The following KCNQ5 variants were observed in gnomAD, a reference collection of about 807,000 sequenced individuals.
KCNQ5 encodes potassium voltage-gated channel subfamily KQT member 5.
In KCNQ5, 30 loss-of-function variants were observed where a neutral mutation model predicts 98.2. That is an observed-to-expected ratio of 0.31 (90% CI 0.23 to 0.41). The LOEUF is 0.41. Ranked by LOEUF, KCNQ5 falls within the 10% of genes least tolerant of loss-of-function variation. The pLI is 1.00. For synonymous variants in KCNQ5, 458 were observed against 449.4 expected, an observed-to-expected ratio of 1.02 and a Z score of -0.24; for missense variants, 835 against 1,182.5, an observed-to-expected ratio of 0.71 and a Z score of 4.31.
At chr6:72,675,587 T>C (rs935350021) in intron 1 of KCNQ5, among the ~76,000 whole-genome samples, 9 of 152,224 alleles carry the variant, frequency 5.9e-5, no homozygotes, top group African/African-American at 1.7e-4. Context: ...GTAGTTAAGA[T>C]TGAGTGACTG....
rs145583993 is a variant in KCNQ5, at chr6:73,195,043, A to G, written c.2428A>G (p.Met810Val). The G allele has an allele frequency of 2.3e-4, 378 of 1,614,218 alleles. No individual in the cohort carries two copies. The highest frequency in any genetic ancestry group is 3.7e-4 in the Admixed American group (22 of 60,018). Reference sequence around the variant, plus strand: ...CCGTTCTATGAGGAAAAGCTTTGACATGGGAGGAGAAACTCTGTTGTCTGT... The same window carrying G: ...CCGTTCTATGAGGAAAAGCTTTGACGTGGGAGGAGAAACTCTGTTGTCTGT... The part of the protein sequence containing the change: ...KDRSMRKSFD[M>V]GGETLLSVCP... Residue 810 changes from methionine (M) to valine (V), a missense_variant, in exon 14 of 14, where the codon ATG (methionine) becomes GTG (valine). Met to Val is a conservative substitution (Grantham distance 21). This residue lies in a region of KCNQ5 where 416 missense variants were observed against 446.9 expected (regional missense o/e 0.93). Transcript: ENST00000370398.
chr6:72,841,661 A>G (rs749007069), intron 1 of KCNQ5, among the ~76,000 whole-genome samples: 2 of 152,062 alleles, frequency 1.3e-5, no homozygotes, highest in Non-Finnish European at 2.9e-5. Flanking sequence ...CCAATGTTAT[A>G]CCGGATTATT....
At chr6:73,067,213 C>T (rs963112157) in intron 3 of KCNQ5, among the ~76,000 whole-genome samples, 10 of 151,970 alleles carry the variant, frequency 6.6e-5, no homozygotes, top group South Asian at 4.2e-4. Flanking sequence ...AAGAGAAACA[C>T]GGGAAAAAAA....
chr6:73,088,963 A>C (rs934302740), intron 5 of KCNQ5, among the ~76,000 whole-genome samples: 1 of 151,966 alleles, frequency 6.6e-6, no homozygotes, highest in Non-Finnish European at 1.5e-5. Context: ...TCTCCTGTAC[A>C]TTTGCTGCCA....
chr6:72,848,393 C>T (rs1240679943), intron 1 of KCNQ5, among the ~76,000 whole-genome samples: 1 of 151,998 alleles, frequency 6.6e-6, no homozygotes, highest in Non-Finnish European at 1.5e-5. Context: ...ATGTGTTGTT[C>T]CCCTTAATAG....
chr6:72,630,022 T>C (rs2098919954), intron 1 of KCNQ5, among the ~76,000 whole-genome samples: 1 of 152,338 alleles, frequency 6.6e-6, no homozygotes, highest in South Asian at 2.1e-4. Flanking sequence ...TTTCATCATA[T>C]ACATTTGTGT....
intron 6 of KCNQ5, among the ~76,000 whole-genome samples, chr6:73,107,374 C>T (rs7762723): frequency 0.94 from 143,123 of 152,288 alleles, 67,321 homozygotes; most frequent in South Asian, 0.98. Context: ...TTATAAACAA[C>T]AAATATAGAG....
At chr6:73,078,255 C>T (rs1444793710) in intron 5 of KCNQ5, among the ~76,000 whole-genome samples, 1 of 151,802 alleles carries the variant, frequency 6.6e-6, no homozygotes, top group African/African-American at 2.4e-5. Context: ...TTCCGCTCTT[C>T]AAAAGTTTAT....
chr6:72,689,400 A>G (rs1768104163), intron 1 of KCNQ5, among the ~76,000 whole-genome samples: 1 of 152,204 alleles, frequency 6.6e-6, no homozygotes, highest in African/African-American at 2.4e-5. Flanking sequence ...AACTCATCCA[A>G]AGTGGTCATT....
chr6:72,862,140 T>C (rs1777789996), intron 1 of KCNQ5, among the ~76,000 whole-genome samples: 1 of 152,108 alleles, frequency 6.6e-6, no homozygotes, highest in Non-Finnish European at 1.5e-5. Context: ...CCAAATTCCT[T>C]GGAGAGGGAC....
In KCNQ5 at chr6:73,133,495, C is replaced by T. The variant is rs781372955; in HGVS notation, c.1322C>T (p.Ser441Leu). 2 of 1,614,180 alleles carry T rather than the reference C, an allele frequency of 1.2e-6. No individual in the cohort carries two copies. Among genetic ancestry groups the T allele is most frequent in the Non-Finnish European group, 1.7e-6 (2 of 1,180,026 alleles). Residue 441 changes from serine (S) to leucine (L), a missense_variant, in exon 10 of 14, where the codon TCA becomes TTA. Physicochemically the swap from Ser to Leu is moderately radical, Grantham distance 145. Around this residue, in one of 10 missense-constraint regions of KCNQ5, gnomAD observed 146 missense variants for 256.7 expected, o/e 0.57. Coordinates refer to ENST00000370398, the MANE Select transcript of KCNQ5 (RefSeq NM_019842.4). ...RGQSIKSRQA[S>L]VGDRRSPSTD... ...CAGAGTATTAAGAGCCGACAAGCCT[C>T]AGTAGGTGACAGGAGGTCCCCAAGC...
At chr6:72,858,070 G>A (rs9446771) in intron 1 of KCNQ5, among the ~76,000 whole-genome samples, 2,673 of 152,238 alleles carry the variant, frequency 0.018, 75 homozygotes, top group African/African-American at 0.06. Flanking sequence ...AAGAGGTTGC[G>A]AGAAGTCATT....
chr6:72,964,669 T>A (rs1299973923), intron 1 of KCNQ5, among the ~76,000 whole-genome samples: 2 of 152,208 alleles, frequency 1.3e-5, no homozygotes, highest in Non-Finnish European at 2.9e-5. Context: ...TATATGTAAT[T>A]TATACAGAGT....
chr6:72,783,505 T>G (rs953804004), intron 1 of KCNQ5, among the ~76,000 whole-genome samples: 1 of 152,208 alleles, frequency 6.6e-6, no homozygotes, highest in East Asian at 1.9e-4. Context: ...TAAAGTTACC[T>G]GTCAGTGGGA....
rs59215198 is a variant in KCNQ5, at chr6:72,935,064, CTT to C, written c.399-68821_399-68820del. On this transcript the variant is annotated intron_variant, in intron 1 of 13. Coordinates refer to ENST00000370398, the MANE Select transcript of KCNQ5 (RefSeq NM_019842.4). ...AATCCATATATTGGCCTTGTTCTAT[CTT>C]TTTTTTTTTTTTTTTTTTTTTTGAG... Among the ~76,000 whole-genome samples the C allele has an allele frequency of 9.7e-3, 958 of 99,162 alleles. 5 individuals carry two copies. Among genetic ancestry groups the C allele is most frequent in the South Asian group, 0.05 (143 of 2,834 alleles). 65.1% of individuals were successfully genotyped at this position (99,162 alleles called of 152,430 possible). A position where few individuals can be genotyped will look rare whatever the true frequency, so the allele number is the denominator to read the frequency against.
intron 10 of KCNQ5, among the ~76,000 whole-genome samples, chr6:73,145,194 G>A (rs1382420807): frequency 6.6e-6 from 1 of 152,194 alleles, no homozygotes; most frequent in African/African-American, 2.4e-5. Context: ...AGCACCTCAT[G>A]TATCGAGGCA....
At chr6:73,096,893 A>T (rs904233399) in intron 5 of KCNQ5, among the ~76,000 whole-genome samples, 3 of 152,076 alleles carry the variant, frequency 2.0e-5, no homozygotes, top group Non-Finnish European at 4.4e-5. Context: ...AAATACAAAA[A>T]TTAGCTGGGT....
intron 5 of KCNQ5, among the ~76,000 whole-genome samples, chr6:73,088,383 C>G (rs1170761808): frequency 2.0e-5 from 3 of 152,124 alleles, no homozygotes; most frequent in Non-Finnish European, 4.4e-5. Context: ...GTGAAACTCT[C>G]CATTCTCTAT....
chr6:72,893,232 C>T (rs913037756), intron 1 of KCNQ5, among the ~76,000 whole-genome samples: 1 of 152,170 alleles, frequency 6.6e-6, no homozygotes, highest in Non-Finnish European at 1.5e-5. Flanking sequence ...CATAGATACA[C>T]TGGAGACTTC....
Sources: gnomAD v4.1 joint callset for allele counts (sites outside exome capture counted in the v4.1 genomes callset) on GRCh38, gnomAD v4.1.1 for gene constraint, gnomAD v4.1.1 regional missense constraint, MANE v1.5 for transcripts, NCBI Gene and HGNC (gene_info 2026-07-23, HGNC 2026-07-21) for gene names.